ENTHD1: variants seen among roughly 807,000 people sequenced by gnomAD.
ENTHD1 encodes the protein ENTH domain-containing protein 1.
Under a neutral mutation model 39.1 loss-of-function variants are expected in ENTHD1, and 23 were observed. That is an observed-to-expected ratio of 0.59 (90% CI 0.42 to 0.83). ENTHD1 has a LOEUF of 0.83. Among genes scored for constraint, ENTHD1 ranks in the 40% least tolerant of loss-of-function variants. ENTHD1 has a pLI of 0.00. For synonymous variants in ENTHD1, 230 were observed against 258.2 expected (o/e 0.89, Z 1.05); for missense variants, 624 against 705.4 (o/e 0.88, Z 1.31).
chr22:39,780,625 G>C (rs1459893141), intron 5 of ENTHD1, among the ~76,000 whole-genome samples: 2 of 152,152 alleles, frequency 1.3e-5, no homozygotes, highest in African/African-American at 2.4e-5. Flanking sequence ...AAGAGACAAA[G>C]ACAGTCACTA....
chr22:39,824,134 A>G (rs1177617824), intron 4 of ENTHD1, among the ~76,000 whole-genome samples: 3 of 129,344 alleles, frequency 2.3e-5, no homozygotes. Flanking sequence ...CAGAGCAAAC[A>G]TTTTCAGTTT....
intron 5 of ENTHD1, 127 bp downstream of exon 5, chr22:39,820,866 T>C (rs1320568845): frequency 3.0e-5 from 27 of 903,102 alleles, no homozygotes; most frequent in Non-Finnish European, 3.9e-5. Context: ...TATAGGACCA[T>C]GTTGTGGGTT....
Position 39,887,589 on chromosome 22 carries a change from T to C in ENTHD1, c.160A>G (p.Met54Val), listed in dbSNP as rs1308337837. ...TFNTISLSEI[M>V]NMLWHRLNDH... is the part of the protein sequence containing the mutation. ...TTGAGTCTGTGCCACAGCATATTCA[T>C]AATCTCTGAGAGAGAAATTGTGTTG... Residue 54 changes from methionine to valine, a missense_variant, in exon 2 of 7, where the codon ATG becomes GTG. Coordinates refer to ENST00000325157, the MANE Select transcript of ENTHD1 (RefSeq NM_152512.4). 3 of 1,614,092 alleles carry C rather than the reference T, an allele frequency of 1.9e-6. No homozygotes were observed. The African/African-American group carries it at 4.0e-5, about 22-fold the overall frequency.
In ENTHD1 at chr22:39,765,176, TTGTGTG is replaced by T. The variant is rs71326782; in HGVS notation, c.1219+41_1219+46del. 10,611 of 1,401,782 alleles carry T rather than the reference TTGTGTG, an allele frequency of 7.6e-3. 13 individuals are homozygous for T. Among genetic ancestry groups the T allele is most frequent in the Non-Finnish European group, 9.1e-3 (9,741 of 1,065,978 alleles). 86.8% of individuals were successfully genotyped at this position (1,401,782 alleles called of 1,614,324 possible). A position where few individuals can be genotyped will look rare whatever the true frequency, so the allele number is the denominator to read the frequency against. On this transcript the variant is annotated intron_variant, in intron 6 of 6. Transcript: ENST00000325157. ...ATAATGCTTCAAAAGAGGTTTTTTG[TTGTGTG>T]TGTGTGTGTGTGTGTGTGTGTGTGT...
intron 5 of ENTHD1, among the ~76,000 whole-genome samples, chr22:39,809,413 G>C (rs943701594): frequency 1.1e-4 from 16 of 152,170 alleles, no homozygotes; most frequent in Non-Finnish European, 2.4e-4. Context: ...GCAGTGGGAA[G>C]GTGTTGATTT....
chr22:39,810,379 C>A (rs2065675908), intron 5 of ENTHD1, among the ~76,000 whole-genome samples: 1 of 152,208 alleles, frequency 6.6e-6, no homozygotes, highest in African/African-American at 2.4e-5. Context: ...AGCTAAACCA[C>A]AGACCTACCT....
At chr22:39,813,858 G>T (rs1385149405) in intron 5 of ENTHD1, among the ~76,000 whole-genome samples, 3 of 152,052 alleles carry the variant, frequency 2.0e-5, no homozygotes, top group Non-Finnish European at 2.9e-5. Flanking sequence ...AATTAAGCAG[G>T]TCTGCTGGAT....
chr22:39,769,807 C>A (rs1039262044), intron 5 of ENTHD1, among the ~76,000 whole-genome samples: 1 of 151,986 alleles, frequency 6.6e-6, no homozygotes, highest in South Asian at 2.1e-4. Flanking sequence ...GAAGAGACAA[C>A]AAAAGATAAG....
intron 2 of ENTHD1, among the ~76,000 whole-genome samples, chr22:39,877,895 G>A (rs952315334): frequency 2.6e-5 from 4 of 152,018 alleles, no homozygotes; most frequent in Admixed American, 2.6e-4. Flanking sequence ...CTCATGCCCA[G>A]CTATCAAGAA....
intron 5 of ENTHD1, among the ~76,000 whole-genome samples, chr22:39,775,024 T>C (rs766581534): frequency 1.2e-4 from 19 of 152,232 alleles, no homozygotes; most frequent in Non-Finnish European, 2.5e-4. Context: ...ACAACCTCCT[T>C]AGTGAAATAT....
At chr22:39,757,581 G>A (rs898850921) in intron 6 of ENTHD1, among the ~76,000 whole-genome samples, 1 of 152,048 alleles carries the variant, frequency 6.6e-6, no homozygotes, top group African/African-American at 2.4e-5. Flanking sequence ...GGAGGCTGAG[G>A]CAGGAGAATC....
chr22:39,765,664 T>A, intron 5 of ENTHD1, 55 bp from the exon 6 acceptor site: 1 of 1,451,804 alleles, frequency 6.9e-7, no homozygotes, highest in South Asian at 1.4e-5. Context: ...AAATACTCTA[T>A]TTCAAATCTG....
chr22:39,885,120 T>A (rs1168780416), intron 2 of ENTHD1, among the ~76,000 whole-genome samples: 1 of 152,178 alleles, frequency 6.6e-6, no homozygotes, highest in Non-Finnish European at 1.5e-5. Context: ...GGGTCTTGTA[T>A]CCAGAATATA....
intron 6 of ENTHD1, among the ~76,000 whole-genome samples, chr22:39,748,482 C>T (rs1468788793): frequency 6.6e-6 from 1 of 151,138 alleles, no homozygotes; most frequent in Non-Finnish European, 1.5e-5. Context: ...AGTGCAGTGG[C>T]GCGATCTTGG....
Position 39,744,267 on chromosome 22 carries a change from C to T in ENTHD1, c.1236G>A (p.Glu412=). The change falls in exon 7 of 7, where the codon GAG becomes GAA. Residue 412 remains glutamate (E), a synonymous_variant. Coordinates refer to ENST00000325157, the MANE Select transcript of ENTHD1 (RefSeq NM_152512.4). ...ATAAAGGAGAAAAGGAAGATGCTCC[C>T]TCAGAAGCAGTTGAAACTAAAATGT... The part of the protein sequence containing the change: ...KTTTRVSTAS[E]GASSFSPLSM... 1 of 1,596,156 alleles carries T rather than the reference C, an allele frequency of 6.3e-7. No homozygotes were observed. Among genetic ancestry groups the T allele is most frequent in the Non-Finnish European group, 8.5e-7 (1 of 1,173,208 alleles).
chr22:39,876,277 C>G (rs2066288828), intron 2 of ENTHD1, among the ~76,000 whole-genome samples: 2 of 152,170 alleles, frequency 1.3e-5, no homozygotes, highest in South Asian at 4.1e-4. Flanking sequence ...ATGTTGAATA[C>G]TTTCAGGCAT....
intron 5 of ENTHD1, among the ~76,000 whole-genome samples, chr22:39,812,304 C>T (rs897348653): frequency 3.9e-5 from 6 of 152,220 alleles, no homozygotes; most frequent in Non-Finnish European, 7.4e-5. Context: ...CCTGAAAGAC[C>T]GCAGGAGAAT....
At chr22:39,831,514 A>C (rs953358746) in intron 4 of ENTHD1, among the ~76,000 whole-genome samples, 5 of 152,190 alleles carry the variant, frequency 3.3e-5, no homozygotes, top group African/African-American at 1.2e-4. Context: ...TTCACTCCTG[A>C]AAAAGTCAAT....
At position 39,743,811 on chromosome 22, in the gene ENTHD1, T is replaced by TA; in HGVS notation, c.1691_1692insT (p.Glu564AspfsTer11). 6.2e-7 allele frequency: 1 copy of TA among 1,614,162 alleles called. No homozygotes were observed. On this transcript the variant is annotated frameshift_variant, in exon 7 of 7. Transcript: ENST00000325157. LOFTEE classifies it low-confidence loss of function (END_TRUNC). ...GTTCTTGGATCACTGTGCTCAGATCTTCATGTAATCTAGCGATCGCACGTT... is the reference window on the plus strand; with the variant it reads ...GTTCTTGGATCACTGTGCTCAGATCTATCATGTAATCTAGCGATCGCACGTT...
Sources: allele counts gnomAD v4.1 joint callset (sites outside exome capture counted in the v4.1 genomes callset), GRCh38; gene constraint gnomAD v4.1.1; transcripts MANE v1.5; gene names NCBI Gene and HGNC (gene_info 2026-07-23, HGNC 2026-07-21).